PITPNC1: variants seen among roughly 807,000 people sequenced by gnomAD.
The protein encoded by PITPNC1 is cytoplasmic phosphatidylinositol transfer protein 1.
A neutral mutation model predicts 44.7 loss-of-function variants in PITPNC1; 18 were observed. The ratio of observed to expected loss-of-function variants is 0.40; its 90% confidence interval spans 0.28 to 0.60. The LOEUF is 0.60. PITPNC1 is among the 20% of genes least tolerant of loss of function. The probability of loss-of-function intolerance (pLI) is 0.39; values close to 1 mark genes in which losing one functional copy is unlikely to be tolerated. For missense variants in PITPNC1, 290 were observed against 418.4 expected (o/e 0.69, Z 2.68); for synonymous variants, 141 against 149.6 (o/e 0.94, Z 0.42).
intron 1 of PITPNC1, among the ~76,000 whole-genome samples, chr17:67,423,633 G>T (rs140533620): frequency 6.6e-6 from 1 of 152,082 alleles, no homozygotes; most frequent in African/African-American, 2.4e-5. Flanking sequence ...CCTCCCTGAA[G>T]GTCCACCTGC....
intron 6 of PITPNC1, among the ~76,000 whole-genome samples, chr17:67,659,971 C>A (rs907192454): frequency 6.6e-5 from 10 of 152,138 alleles, no homozygotes; most frequent in African/African-American, 1.4e-4. Context: ...CCTCCTCCCC[C>A]CAGGGTTCAA....
At chr17:67,558,796 T>C (rs2040871460) in intron 4 of PITPNC1, among the ~76,000 whole-genome samples, 1 of 151,578 alleles carries the variant, frequency 6.6e-6, no homozygotes, top group African/African-American at 2.4e-5. Context: ...ATGAGAGAGG[T>C]GGAAAAATAA....
intron 1 of PITPNC1, among the ~76,000 whole-genome samples, chr17:67,462,789 G>A (rs192487770): frequency 7.0e-6 from 1 of 142,194 alleles, no homozygotes; most frequent in Non-Finnish European, 1.5e-5. Flanking sequence ...CGCAACCTCC[G>A]CCTCCTGGGT....
intron 1 of PITPNC1, chr17:67,457,906 C>T (rs927118570): frequency 6.6e-6 from 1 of 152,222 alleles, no homozygotes; most frequent in African/African-American, 2.4e-5. Context: ...GGTTGTCTTG[C>T]TGGAGGAAGC....
intron 1 of PITPNC1, among the ~76,000 whole-genome samples, chr17:67,502,184 C>T (rs765624255): frequency 1.3e-5 from 2 of 152,076 alleles, no homozygotes; most frequent in Non-Finnish European, 2.9e-5. Context: ...GTGAAGTAAA[C>T]GATCCTATTA....
At chr17:67,608,424 A>G (rs1489054484) in intron 5 of PITPNC1, among the ~76,000 whole-genome samples, 1 of 151,770 alleles carries the variant, frequency 6.6e-6, no homozygotes, top group Non-Finnish European at 1.5e-5. Flanking sequence ...GTTCCAGTAG[A>G]GGCTCACACA....
chr17:67,577,164 T>C (rs1026777892), intron 4 of PITPNC1, among the ~76,000 whole-genome samples: 2 of 152,088 alleles, frequency 1.3e-5, no homozygotes, highest in Non-Finnish European at 2.9e-5. Context: ...CACACACCTA[T>C]AGCTGTAGTC....
intron 1 of PITPNC1, among the ~76,000 whole-genome samples, chr17:67,441,291 C>T (rs2039009539): frequency 6.8e-6 from 1 of 146,566 alleles, no homozygotes; most frequent in Non-Finnish European, 1.5e-5. Context: ...CCCCCCGCCA[C>T]CCATCAGTCC....
At chr17:67,692,459 G>A in intron 8 of PITPNC1, 113 bp from the exon 9 acceptor site, 1 of 734,618 alleles carries the variant, frequency 1.4e-6, no homozygotes. Flanking sequence ...AATCGGGAGA[G>A]GCCCCTTTAT....
At chr17:67,420,007 T>C (rs919455244) in intron 1 of PITPNC1, among the ~76,000 whole-genome samples, 12 of 152,184 alleles carry the variant, frequency 7.9e-5, no homozygotes, top group African/African-American at 2.7e-4. Context: ...CACAAAGTTA[T>C]CAGAGACAAA....
intron 5 of PITPNC1, among the ~76,000 whole-genome samples, chr17:67,625,076 G>A (rs1011990930): frequency 8.5e-5 from 13 of 152,124 alleles, no homozygotes; most frequent in Middle Eastern, 6.8e-3. Context: ...TGTGTATGGC[G>A]GGGGTGGCCA....
chr17:67,438,967 A>G (rs1373021453), intron 1 of PITPNC1, among the ~76,000 whole-genome samples: 1 of 152,192 alleles, frequency 6.6e-6, no homozygotes, highest in Non-Finnish European at 1.5e-5. Context: ...ACTTTTTTAA[A>G]TTAAAAAAAT....
At chr17:67,517,195 G>T (rs991419773) in intron 1 of PITPNC1, among the ~76,000 whole-genome samples, 17 of 152,142 alleles carry the variant, frequency 1.1e-4, no homozygotes, top group African/African-American at 4.1e-4. Flanking sequence ...ACAGTGACTT[G>T]GACAACCACA....
rs934685344 is a variant in PITPNC1, at chr17:67,404,825, G to A, written c.48+26623G>A. Among the ~76,000 whole-genome samples the A allele has an allele frequency of 2.0e-5, 3 of 152,314 alleles. No homozygotes were observed. In the South Asian group the frequency reaches 6.2e-4, roughly 32 times the overall value. Reference sequence around the variant, plus strand: ...GGAGCTGGTGGCCAGGCATGGTGTAGATTATGGGTTGCTTGTAGGATTATG... The same window carrying A: ...GGAGCTGGTGGCCAGGCATGGTGTAAATTATGGGTTGCTTGTAGGATTATG... On this transcript the variant is annotated intron_variant, in intron 1 of 8. Transcript: ENST00000581322.
At chr17:67,504,596 G>T (rs192669881) in intron 1 of PITPNC1, among the ~76,000 whole-genome samples, 1 of 152,164 alleles carries the variant, frequency 6.6e-6, no homozygotes, top group East Asian at 1.9e-4. Flanking sequence ...CAATGCTTAC[G>T]ATATTTTTCA....
chr17:67,547,320 G>T (rs1486856391), intron 2 of PITPNC1, among the ~76,000 whole-genome samples: 1 of 152,132 alleles, frequency 6.6e-6, no homozygotes, highest in Non-Finnish European at 1.5e-5. Flanking sequence ...TTTGATTCCA[G>T]TCTGGGCAAC....
intron 1 of PITPNC1, among the ~76,000 whole-genome samples, chr17:67,494,895 C>T (rs894972167): frequency 1.7e-4 from 26 of 151,836 alleles, no homozygotes; most frequent in African/African-American, 5.8e-4. Context: ...ATCATTTGAG[C>T]CCAGGGGGTC....
intron 5 of PITPNC1, among the ~76,000 whole-genome samples, chr17:67,603,951 A>C (rs76534170): frequency 0.054 from 8,270 of 152,090 alleles, 288 homozygotes; most frequent in Admixed American, 0.11. Context: ...TTAAAAAAAA[A>C]AAAAAAACTG....
rs59473690 is a variant in PITPNC1 at position 67,631,607 on chromosome 17, C to T, written c.367-536C>T. On this transcript the variant is annotated intron_variant, in intron 5 of 8. Coordinates refer to ENST00000581322, the MANE Select transcript of PITPNC1 (RefSeq NM_012417.4). ...TAGCGCCACTGCAGTCCAGCTTGGG[C>T]GAAAGAGTGAGACTCCGTCTCAAAA... is the stretch of plus-strand genomic sequence containing the variant. Among the ~76,000 whole-genome samples, 506 of 73,146 alleles carry T rather than the reference C, an allele frequency of 6.9e-3. 8 individuals carry two copies. The highest frequency in any genetic ancestry group is 0.024 in the African/African-American group (476 of 20,172). The allele number at this position is 73,146 out of a possible 152,430, so 48.0% of individuals were successfully genotyped here. A position where few individuals can be genotyped will look rare whatever the true frequency, so the allele number is the denominator to read the frequency against.
Sources: gnomAD v4.1 joint callset for allele counts (sites outside exome capture counted in the v4.1 genomes callset) on GRCh38, gnomAD v4.1.1 for gene constraint, MANE v1.5 for transcripts, NCBI Gene and HGNC (gene_info 2026-07-23, HGNC 2026-07-21) for gene names.